Variants in ZC3H7A observed in about 807,000 individuals in gnomAD.
ZC3H7A encodes zinc finger CCCH-type containing 7A.
ZC3H7A carries 44 observed loss-of-function variants against 125.5 expected under a neutral mutation model. The ratio of observed to expected loss-of-function variants is 0.35; its 90% CI spans 0.28 to 0.45. The LOEUF (loss-of-function observed/expected upper bound fraction) is 0.45. Among genes scored for constraint, ZC3H7A ranks in the 20% least tolerant of loss-of-function variants. The pLI is 1.00. For synonymous variants in ZC3H7A, 399 were observed against 391.2 expected (o/e 1.02, Z -0.23); for missense variants, 977 against 1,170.7 (o/e 0.83, Z 2.41).
At chr16:11,758,201 T>C (rs2052685419) in intron 20 of ZC3H7A, among the ~76,000 whole-genome samples, 1 of 152,212 alleles carries the variant, frequency 6.6e-6, no homozygotes, top group South Asian at 2.1e-4. Context: ...GACCTATATA[T>C]TTATATCCAA....
Position 11,750,927 on chromosome 16 carries a change from A to G in ZC3H7A, c.*390T>C, listed in dbSNP as rs2052544166. On this transcript the variant is annotated 3_prime_UTR_variant, in exon 23 of 23. Coordinates refer to ENST00000355758, the MANE Select transcript of ZC3H7A (RefSeq NM_014153.4). ...ATATTAAACAAATTCATTCTGCTAA[A>G]ACATGTAAAGAATTTCATCCATCAT... is the stretch of plus-strand genomic sequence containing the variant. 1 of 156,486 alleles carries G rather than the reference A, an allele frequency of 6.4e-6. No individual in the cohort carries two copies. The highest frequency in any genetic ancestry group is 2.4e-5 in the African/African-American group (1 of 41,592). 9.7% of individuals were successfully genotyped at this position (156,486 alleles called of 1,614,324 possible). A position where few individuals can be genotyped will look rare whatever the true frequency, so the allele number is the denominator to read the frequency against.
At chr16:11,754,853 T>C (rs552257625) in intron 21 of ZC3H7A, among the ~76,000 whole-genome samples, 2 of 141,542 alleles carry the variant, frequency 1.4e-5, no homozygotes, top group South Asian at 2.2e-4. Flanking sequence ...GATCACATCA[T>C]TGCACTCGTG....
chr16:11,778,795 G>C (rs1285798221), intron 4 of ZC3H7A, among the ~76,000 whole-genome samples: 7 of 151,998 alleles, frequency 4.6e-5, no homozygotes, highest in African/African-American at 1.7e-4. Context: ...CTCACTGCAA[G>C]CTTCGCCTCC....
intron 8 of ZC3H7A, 73 bp from the exon 9 acceptor site, chr16:11,774,592 TAG>T: frequency 1.4e-6 from 2 of 1,416,262 alleles, no homozygotes; most frequent in Non-Finnish European, 1.9e-6. Flanking sequence ...TCCCCAATAA[TAG>T]AGATACAAAG....
At position 11,765,110 on chromosome 16, in the gene ZC3H7A, T is replaced by G. The variant is rs2052832207; in HGVS notation, c.1763A>C (p.Lys588Thr). ...GTGAGAACAAGCAGTAGAATTATCT[T>G]TATTTCTTTTACTTATCATTCTAGG... ...HKPRMISKRN[K>T]DNSTACSHPV... The change falls in exon 15 of 23, where the codon AAA becomes ACA. Residue 588 changes from lysine to threonine, a missense_variant. Transcript: ENST00000355758. The surrounding 1 kb of genome is among the most constrained non-coding windows in gnomAD (Gnocchi z 4.8). 6.3e-7 allele frequency: 1 copy of G among 1,591,158 alleles called. No homozygotes were observed. Among genetic ancestry groups the G allele is most frequent in the Non-Finnish European group, 8.5e-7 (1 of 1,170,414 alleles).
Position 11,779,365 on chromosome 16 carries a change from T to TA in ZC3H7A, c.109-3dup, listed in dbSNP as rs780480393. On this transcript the variant is annotated splice_region_variant and splice_polypyrimidine_tract_variant and intron_variant, in intron 3 of 22. Transcript: ENST00000355758. ...TCTCACGAGAGCACGCAAATATACC[T>TA]AAAAAAAAGAAAGTTACCACTTGAA... The TA allele has an allele frequency of 9.4e-5, 150 of 1,602,294 alleles. No individual in the cohort carries two copies. Among genetic ancestry groups the TA allele is most frequent in the African/African-American group, 1.2e-4 (9 of 73,888 alleles).
At chr16:11,796,094 A>G (rs1355509278) in intron 1 of ZC3H7A, 1 of 152,196 alleles carries the variant, frequency 6.6e-6, no homozygotes, top group African/African-American at 2.4e-5. Context: ...CAGCCTCCCA[A>G]AGTTTTGGGA....
At chr16:11,782,051 C>T (rs1162649221) in intron 2 of ZC3H7A, among the ~76,000 whole-genome samples, 1 of 152,154 alleles carries the variant, frequency 6.6e-6, no homozygotes, top group Non-Finnish European at 1.5e-5. Flanking sequence ...CTCAGTCTAA[C>T]GTTTTGGGGG....
chr16:11,771,443 A>G (rs2052980043), intron 9 of ZC3H7A, among the ~76,000 whole-genome samples: 1 of 152,208 alleles, frequency 6.6e-6, no homozygotes, highest in African/African-American at 2.4e-5. Flanking sequence ...CGTTTAAAAC[A>G]ATTTTAGCTA....
At chr16:11,761,718 G>T in intron 18 of ZC3H7A, 192 bp downstream of exon 18, 1 of 883,222 alleles carries the variant, frequency 1.1e-6, no homozygotes, top group Non-Finnish European at 1.7e-6. Context: ...TAAAATACAG[G>T]AAAAAAACAC....
At chr16:11,791,346 G>C (rs1240146751) in intron 1 of ZC3H7A, among the ~76,000 whole-genome samples, 1 of 151,994 alleles carries the variant, frequency 6.6e-6, no homozygotes, top group Admixed American at 6.6e-5. Flanking sequence ...TGTGTTTGTT[G>C]TTCCCTCTGC....
At chr16:11,755,648 C>T (rs927438323) in intron 21 of ZC3H7A, among the ~76,000 whole-genome samples, 5 of 152,110 alleles carry the variant, frequency 3.3e-5, no homozygotes, top group Admixed American at 6.5e-5. Context: ...CAACCCCACT[C>T]GGAGACATAA....
At chr16:11,754,405 T>C (rs954861409) in intron 21 of ZC3H7A, among the ~76,000 whole-genome samples, 3 of 149,644 alleles carry the variant, frequency 2.0e-5, no homozygotes, top group African/African-American at 7.4e-5. Flanking sequence ...AAGGTAAACA[T>C]TCACAGGGCA....
In ZC3H7A at chr16:11,765,221, C is replaced by T. The variant is rs905417184; in HGVS notation, c.1720-68G>A. 8 of 1,028,142 alleles carry T rather than the reference C, an allele frequency of 7.8e-6. No homozygotes were observed. The highest frequency in any genetic ancestry group is 1.7e-5 in the African/African-American group (1 of 58,942). 63.7% of individuals were successfully genotyped at this position (1,028,142 alleles called of 1,614,324 possible). A position where few individuals can be genotyped will look rare whatever the true frequency, so the allele number is the denominator to read the frequency against. On this transcript the variant is annotated intron_variant, in intron 14 of 22. Coordinates refer to ENST00000355758, the MANE Select transcript of ZC3H7A (RefSeq NM_014153.4). This position sits in a 1 kb window ranked among gnomAD's most constrained non-coding sequence, Gnocchi z 4.8. ...TAAATTTTGTACCCAGAATATTGTC[C>T]TAGTTTCAATATCATTACAAAATTA...
At chr16:11,767,859 T>C (rs780349592) in intron 12 of ZC3H7A, among the ~76,000 whole-genome samples, 1 of 152,238 alleles carries the variant, frequency 6.6e-6, no homozygotes, top group Admixed American at 6.5e-5. Flanking sequence ...TGATGGCTTA[T>C]AAATCAGAAT....
At chr16:11,751,592 G>A in intron 22 of ZC3H7A, 86 bp from the exon 23 acceptor site, 7 of 1,353,540 alleles carry the variant, frequency 5.2e-6, no homozygotes, top group Non-Finnish European at 5.0e-6. Flanking sequence ...TATTTCACTA[G>A]CTTTATGATT....
At chr16:11,767,822 T>A (rs1413477446) in intron 12 of ZC3H7A, among the ~76,000 whole-genome samples, 1 of 152,156 alleles carries the variant, frequency 6.6e-6, no homozygotes, top group Non-Finnish European at 1.5e-5. Context: ...TTACTTAACT[T>A]TAGGGAAATA....
intron 1 of ZC3H7A, among the ~76,000 whole-genome samples, chr16:11,791,088 AACACACACACACACACACAC>A (rs34972921): frequency 2.9e-5 from 4 of 136,016 alleles, no homozygotes; most frequent in Non-Finnish European, 6.2e-5. Flanking sequence ...AAATTTTTAA[AACACACACACACACACACAC>A]ACACACACAC....
At chr16:11,757,237 C>T (rs1371460811) in intron 20 of ZC3H7A, among the ~76,000 whole-genome samples, 1 of 152,080 alleles carries the variant, frequency 6.6e-6, no homozygotes, top group Non-Finnish European at 1.5e-5. Context: ...GTAATCCCAG[C>T]ACTTTGGGAG....
Sources: gnomAD v4.1 joint callset for allele counts (sites outside exome capture counted in the v4.1 genomes callset) on GRCh38, gnomAD v4.1.1 for gene constraint, Gnocchi (gnomAD v3.1) non-coding constraint, MANE v1.5 for transcripts, NCBI Gene and HGNC (gene_info 2026-07-23, HGNC 2026-07-21) for gene names.